The following C19orf12 variants were observed in gnomAD, a reference collection of about 807,000 sequenced individuals.
C19orf12 encodes the protein protein C19orf12.
In C19orf12, 2 loss-of-function variants were observed where a neutral mutation model predicts 3.8. The ratio of observed to expected loss-of-function variants is 0.53; its 90% CI spans 0.22 to 1.66. The LOEUF (loss-of-function observed/expected upper bound fraction) is 1.66. Among genes scored for constraint, C19orf12 ranks in the 40% most tolerant of loss-of-function variants. C19orf12 has a pLI of 0.20. For synonymous variants in C19orf12, 89 were observed against 84.6 expected (o/e 1.05, Z -0.28); for missense variants, 156 against 188.8 (o/e 0.83, Z 1.02).
At chr19:29,714,815 A>ACCCCCCCCCCCCCC in intron 1 of C19orf12, 2 of 146,400 alleles carry the variant, frequency 1.4e-5, no homozygotes, top group South Asian at 7.4e-5. Context: ...CACCACCCGC[A>ACCCCCCCCCCCCCC]CCCCACCCCC....
chr19:29,708,928 T>C (rs1333219129), intron 1 of C19orf12, among the ~76,000 whole-genome samples: 3 of 152,162 alleles, frequency 2.0e-5, no homozygotes, highest in African/African-American at 7.2e-5. Flanking sequence ...GAGGGTCAGA[T>C]ACCTCCCTTC....
At position 29,700,514 on chromosome 19, in the gene C19orf12, A is replaced by T. The variant is rs772954780; in HGVS notation, c.*2198T>A. The T allele has an allele frequency of 4.4e-6, 2 of 453,980 alleles. No individual in the cohort carries two copies. Among genetic ancestry groups the T allele is most frequent in the Non-Finnish European group, 8.8e-6 (2 of 226,792 alleles). The allele number at this position is 453,980 out of a possible 1,614,324, so 28.1% of individuals were successfully genotyped here. ...TTTAGTTCCAGGGTCCGTATGCAGG[A>T]CTTATTTGCAGGAAGAGCAGGAATG... is the stretch of plus-strand genomic sequence containing the variant. On this transcript the variant is annotated 3_prime_UTR_variant, in exon 3 of 3. Transcript: ENST00000323670.
rs1378023349 is a variant in C19orf12 at position 29,700,809 on chromosome 19, G to C, written c.*1903C>G. On this transcript the variant is annotated 3_prime_UTR_variant, in exon 3 of 3. Coordinates refer to ENST00000323670, the MANE Select transcript of C19orf12 (RefSeq NM_031448.6). ...CGTCCTTACACACATGGAGGTGCCA[G>C]GATACTGAGCTTTCCTATAAGCAGG... The C allele has an allele frequency of 2.2e-6, 1 of 454,114 alleles. No homozygotes were observed. Among genetic ancestry groups the C allele is most frequent in the Admixed American group, 2.3e-5 (1 of 42,576 alleles). The allele number at this position is 454,114 out of a possible 1,614,324, so 28.1% of individuals were successfully genotyped here.
In C19orf12 at chr19:29,699,050, A is replaced by G. The variant is rs886206433; in HGVS notation, c.*3662T>C. ...CCAGGCACATGGTTAGGCACAGTGG[A>G]ATATTATGCAGCCATTACAAATATT... On this transcript the variant is annotated 3_prime_UTR_variant, in exon 3 of 3. Coordinates refer to ENST00000323670, the MANE Select transcript of C19orf12 (RefSeq NM_031448.6). 33 of 453,954 alleles carry G rather than the reference A, an allele frequency of 7.3e-5. No individual in the cohort carries two copies. The highest frequency in any genetic ancestry group is 6.0e-4 in the African/African-American group (30 of 50,004). 28.1% of individuals were successfully genotyped at this position (453,954 alleles called of 1,614,324 possible).
In C19orf12 at chr19:29,702,211, ACT is replaced by A. The variant is rs1972124186; in HGVS notation, c.*499_*500del. 1 of 454,204 alleles carries A rather than the reference ACT, an allele frequency of 2.2e-6. No homozygotes were observed. Among genetic ancestry groups the A allele is most frequent in the Non-Finnish European group, 4.4e-6 (1 of 226,930 alleles). The allele number at this position is 454,204 out of a possible 1,614,324, so 28.1% of individuals were successfully genotyped here. ...CAGTCCCTGGGTAGGGGACGGTTGC[ACT>A]AGGAGGTAAACATGATTCCAGCATG... is the stretch of plus-strand genomic sequence containing the variant. On this transcript the variant is annotated 3_prime_UTR_variant, in exon 3 of 3. Transcript: ENST00000323670.
In C19orf12 at chr19:29,700,417, C is replaced by T; in HGVS notation, c.*2295G>A. The T allele has an allele frequency of 2.2e-6, 1 of 454,092 alleles. No homozygotes were observed. 28.1% of individuals were successfully genotyped at this position (454,092 alleles called of 1,614,324 possible). ...GCAAATCAACGTTTTTTCCTTCACA[C>T]TAAAAACGGGCAACTTTAGAGCCCA... On this transcript the variant is annotated 3_prime_UTR_variant, in exon 3 of 3. Coordinates refer to ENST00000323670, the MANE Select transcript of C19orf12 (RefSeq NM_031448.6).
intron 2 of C19orf12, among the ~76,000 whole-genome samples, chr19:29,706,058 C>T (rs59276453): frequency 0.013 from 1,996 of 152,306 alleles, 50 homozygotes; most frequent in African/African-American, 0.046. Context: ...AGCCAAGCAC[C>T]GAGGCCCCTG....
rs747480712 is a variant in C19orf12 at position 29,700,168 on chromosome 19, C to T, written c.*2544G>A. 8 of 453,892 alleles carry T rather than the reference C, an allele frequency of 1.8e-5. No individual in the cohort carries two copies. Among genetic ancestry groups the T allele is most frequent in the Non-Finnish European group, 3.1e-5 (7 of 226,804 alleles). The allele number at this position is 453,892 out of a possible 1,614,324, so 28.1% of individuals were successfully genotyped here. A position where few individuals can be genotyped will look rare whatever the true frequency, so the allele number is the denominator to read the frequency against. The stretch of plus-strand genomic sequence containing the variant: ...CACTGGGCCTCTGAGCTGGGACCAC[C>T]TGTGTCCCCTGGGCCTGACACAGAC... On this transcript the variant is annotated 3_prime_UTR_variant, in exon 3 of 3. Coordinates refer to ENST00000323670, the MANE Select transcript of C19orf12 (RefSeq NM_031448.6).
rs536843280 is a variant in C19orf12 at position 29,712,508 on chromosome 19, C to A, written c.-11+2617G>T. 2.3e-3 allele frequency among the ~76,000 whole-genome samples: 353 copies of A among 152,288 alleles called. 1 individual carries two copies. Among genetic ancestry groups the A allele is most frequent in the African/African-American group, 8.2e-3 (340 of 41,562 alleles). On this transcript the variant is annotated intron_variant, in intron 1 of 2. Transcript: ENST00000323670. ...TGTCTACCTTGGAGTGTTCTTCCCC[C>A]CCACCACCCAACCTTTTTCACACAT...
chr19:29,699,277 C>CT lies in C19orf12; in HGVS notation c.*3434dup, dbSNP rs1971943864. The CT allele has an allele frequency of 2.4e-6, 1 of 411,994 alleles. No homozygotes were observed. Among genetic ancestry groups the CT allele is most frequent in the Non-Finnish European group, 4.8e-6 (1 of 209,830 alleles). 25.5% of individuals were successfully genotyped at this position (411,994 alleles called of 1,614,324 possible). ...GGTAAGGAGATTGAGACCATCCTGG[C>CT]TAACATGGTGAAACCCCGTCTCTAC... On this transcript the variant is annotated 3_prime_UTR_variant, in exon 3 of 3. Coordinates refer to ENST00000323670, the MANE Select transcript of C19orf12 (RefSeq NM_031448.6).
intron 2 of C19orf12, among the ~76,000 whole-genome samples, chr19:29,707,025 CTT>C (rs772580945): frequency 6.6e-6 from 1 of 152,236 alleles, no homozygotes; most frequent in African/African-American, 2.4e-5. Context: ...ATTAGCCAAA[CTT>C]TCATTCATTG....
chr19:29,714,815 A>ACCCCCCCCCCCCCCC lies in C19orf12; in HGVS notation c.-11+309_-11+310insGGGGGGGGGGGGGGG. 2.0e-5 allele frequency: 3 copies of ACCCCCCCCCCCCCCC among 146,400 alleles called. 1 individual carries two copies. Among genetic ancestry groups the ACCCCCCCCCCCCCCC allele is most frequent in the Non-Finnish European group, 1.4e-5 (1 of 71,150 alleles). The allele number at this position is 146,400 out of a possible 1,614,324, so 9.1% of individuals were successfully genotyped here. ...CACTCCCACCACATCCACCACCCGCACCCCACCCCCACCCACCACACCCAT... is the reference window on the plus strand; with the variant it reads ...CACTCCCACCACATCCACCACCCGCACCCCCCCCCCCCCCCCCCCACCCCCACCCACCACACCCAT... On this transcript the variant is annotated intron_variant, in intron 1 of 2. Coordinates refer to ENST00000323670, the MANE Select transcript of C19orf12 (RefSeq NM_031448.6).
intron 1 of C19orf12, among the ~76,000 whole-genome samples, chr19:29,712,584 C>A (rs1289808031): frequency 6.6e-6 from 1 of 152,032 alleles, no homozygotes; most frequent in Admixed American, 6.6e-5. Context: ...GGCTAAGAAG[C>A]CCACATGTGC....
In C19orf12 at chr19:29,702,340, C is replaced by T. The variant is rs1203178938; in HGVS notation, c.*372G>A. On this transcript the variant is annotated 3_prime_UTR_variant, in exon 3 of 3. Coordinates refer to ENST00000323670, the MANE Select transcript of C19orf12 (RefSeq NM_031448.6). ...AGTCATCTCCCAAGATGAGAAGGCC[C>T]CGGGGGGAGGATGAAGTGTGGTCAG... 1 of 482,266 alleles carries T rather than the reference C, an allele frequency of 2.1e-6. No homozygotes were observed. Among genetic ancestry groups the T allele is most frequent in the South Asian group, 1.5e-5 (1 of 64,730 alleles). 29.9% of individuals were successfully genotyped at this position (482,266 alleles called of 1,614,324 possible).
rs1470866753 is a variant in C19orf12, at chr19:29,701,064, G to T, written c.*1648C>A. The stretch of plus-strand genomic sequence containing the variant: ...GAGCCACCTCACCTGACCTACTCTT[G>T]CATTCTTTAAAGCCACAAATCTGGT... On this transcript the variant is annotated 3_prime_UTR_variant, in exon 3 of 3. Transcript: ENST00000323670. 1 of 453,982 alleles carries T rather than the reference G, an allele frequency of 2.2e-6. No homozygotes were observed. The highest frequency in any genetic ancestry group is 4.4e-6 in the Non-Finnish European group (1 of 226,808). 28.1% of individuals were successfully genotyped at this position (453,982 alleles called of 1,614,324 possible). A position where few individuals can be genotyped will look rare whatever the true frequency, so the allele number is the denominator to read the frequency against.
rs1375272579 is a variant in C19orf12, at chr19:29,700,609, G to A, written c.*2103C>T. 2.0e-5 allele frequency: 9 copies of A among 454,104 alleles called. No individual in the cohort carries two copies. The highest frequency in any genetic ancestry group is 6.9e-4 in the Middle Eastern group (1 of 1,446). 28.1% of individuals were successfully genotyped at this position (454,104 alleles called of 1,614,324 possible). Reference sequence around the variant, plus strand: ...AACCCCTCCTTCCCACCCCTGCCCTGTCCCCCATCAACTTAAGTGGCATAT... The same window carrying A: ...AACCCCTCCTTCCCACCCCTGCCCTATCCCCCATCAACTTAAGTGGCATAT... On this transcript the variant is annotated 3_prime_UTR_variant, in exon 3 of 3. Transcript: ENST00000323670.
At chr19:29,708,517 C>A (rs2145640698) in intron 1 of C19orf12, 94 bp from the exon 2 acceptor site, 2 of 1,540,244 alleles carry the variant, frequency 1.3e-6, no homozygotes, top group Middle Eastern at 1.8e-4. Context: ...AAGGAAGGGT[C>A]CCCCTTTTCA....
At chr19:29,704,568 G>T (rs980266646) in intron 2 of C19orf12, among the ~76,000 whole-genome samples, 1 of 152,222 alleles carries the variant, frequency 6.6e-6, no homozygotes, top group Admixed American at 6.5e-5. Flanking sequence ...CATTGCCAAG[G>T]CTATGTCATG....
rs191505668 is a variant in C19orf12, at chr19:29,710,497, C to A, written c.-10-2074G>T. On this transcript the variant is annotated intron_variant, in intron 1 of 2. Coordinates refer to ENST00000323670, the MANE Select transcript of C19orf12 (RefSeq NM_031448.6). ...TTTCCAACAAGCCCCCAAAGTGCTC[C>A]TCTGATCTCACTTTGGGCAGCAAGA... Among the ~76,000 whole-genome samples the A allele has an allele frequency of 2.6e-5, 4 of 152,300 alleles. No homozygotes were observed. The East Asian group carries it at 7.7e-4, about 29-fold the overall frequency.
Sources: gnomAD v4.1 joint callset for allele counts (sites outside exome capture counted in the v4.1 genomes callset) on GRCh38, gnomAD v4.1.1 for gene constraint, MANE v1.5 for transcripts, NCBI Gene and HGNC (gene_info 2026-07-23, HGNC 2026-07-21) for gene names.